TOX2: variants seen among roughly 807,000 people sequenced by gnomAD.
TOX2 encodes the protein TOX high mobility group box family member 2.
A neutral mutation model predicts 47.4 loss-of-function variants in TOX2; 15 were observed. The observed-to-expected ratio is 0.32, with a 90% CI of 0.21 to 0.49. The LOEUF (loss-of-function observed/expected upper bound fraction) is 0.49, where lower values mean the gene tolerates loss of function less well. Among genes scored for constraint, TOX2 ranks in the 20% least tolerant of loss-of-function variants. The pLI is 0.99. For synonymous variants in TOX2, 290 were observed against 296.6 expected (o/e 0.98, Z 0.23); for missense variants, 622 against 673.1 (o/e 0.92, Z 0.84).
At chr20:44,044,431 A>G (rs1441103447) in intron 3 of TOX2, among the ~76,000 whole-genome samples, 1 of 152,210 alleles carries the variant, frequency 6.6e-6, no homozygotes, top group Non-Finnish European at 1.5e-5. Context: ...ATAAAAAAAA[A>G]AAAAAGAAAT....
At chr20:43,948,951 G>A (rs1473081164) in intron 1 of TOX2, among the ~76,000 whole-genome samples, 1 of 152,040 alleles carries the variant, frequency 6.6e-6, no homozygotes, top group Non-Finnish European at 1.5e-5. Context: ...AACCTCCCTG[G>A]GTCTTCCTTG....
At chr20:43,970,091 A>G (rs1600694657) in intron 1 of TOX2, among the ~76,000 whole-genome samples, 3 of 152,294 alleles carry the variant, frequency 2.0e-5, no homozygotes, top group Admixed American at 2.0e-4. Flanking sequence ...TATTGATTAT[A>G]TAGTAGGCTC....
chr20:43,997,310 T>C (rs2070498192), intron 2 of TOX2, among the ~76,000 whole-genome samples: 1 of 152,174 alleles, frequency 6.6e-6, no homozygotes, highest in African/African-American at 2.4e-5. Context: ...TTGAAATATA[T>C]GAAGCAATAC....
At chr20:43,926,102 G>T (rs1047073867) in intron 1 of TOX2, among the ~76,000 whole-genome samples, 1 of 152,228 alleles carries the variant, frequency 6.6e-6, no homozygotes, top group Non-Finnish European at 1.5e-5. Flanking sequence ...AATCGACTCA[G>T]TAGTAGTATA....
intron 2 of TOX2, among the ~76,000 whole-genome samples, chr20:43,993,181 A>G (rs994861232): frequency 1.3e-5 from 2 of 150,560 alleles, no homozygotes; most frequent in Non-Finnish European, 2.9e-5. Flanking sequence ...GGCTACAGAG[A>G]GGGTTTCACA....
chr20:43,981,502 A>G (rs896384798), intron 2 of TOX2, among the ~76,000 whole-genome samples: 1 of 152,196 alleles, frequency 6.6e-6, no homozygotes, highest in African/African-American at 2.4e-5. Context: ...CGCGTTGTAC[A>G]TGCATGTACC....
chr20:43,945,960 C>T, intron 1 of TOX2: 1 of 1,614,082 alleles, frequency 6.2e-7, no homozygotes, highest in Non-Finnish European at 8.5e-7. Flanking sequence ...TCTCTCGCTG[C>T]CTGGGCTTCT....
chr20:43,933,971 G>T (rs936896327), intron 1 of TOX2, among the ~76,000 whole-genome samples: 1 of 152,100 alleles, frequency 6.6e-6, no homozygotes, highest in Non-Finnish European at 1.5e-5. Context: ...TGTCCCCTGG[G>T]GTGGCCGCCT....
chr20:44,022,206 G>A (rs2070987523), intron 3 of TOX2, among the ~76,000 whole-genome samples: 2 of 152,174 alleles, frequency 1.3e-5, no homozygotes, highest in African/African-American at 4.8e-5. Context: ...CACATTGCCA[G>A]AATTAATGTC....
At chr20:44,048,530 C>G (rs2071455296) in intron 3 of TOX2, among the ~76,000 whole-genome samples, 1 of 150,692 alleles carries the variant, frequency 6.6e-6, no homozygotes, top group Admixed American at 6.6e-5. Flanking sequence ...TGTTTAAGCT[C>G]TTTCATTCTC....
chr20:43,924,896 CG>C (rs567670082), intron 1 of TOX2, among the ~76,000 whole-genome samples: 3 of 152,352 alleles, frequency 2.0e-5, no homozygotes, highest in Middle Eastern at 3.4e-3. Flanking sequence ...CCCTGTGTCC[CG>C]GGGTGTCCAC....
Position 43,915,796 on chromosome 20 carries a change from G to A in TOX2, c.99+806G>A, listed in dbSNP as rs2069049078. 6.6e-6 allele frequency among the ~76,000 whole-genome samples: 1 copy of A among 152,272 alleles called. No individual in the cohort carries two copies. The highest frequency in any genetic ancestry group is 2.1e-4 in the South Asian group (1 of 4,838). ...GTGTCCTCCCGGGAGCGGTGAGCCGGCGTCCCTCCAGGCTGGGGCTGTAGT... is the reference window on the plus strand; with the variant it reads ...GTGTCCTCCCGGGAGCGGTGAGCCGACGTCCCTCCAGGCTGGGGCTGTAGT... On this transcript the variant is annotated intron_variant, in intron 1 of 8. Transcript: ENST00000341197. This position sits in a 1 kb window ranked among gnomAD's most constrained non-coding sequence, Gnocchi z 7.1.
intron 3 of TOX2, among the ~76,000 whole-genome samples, chr20:44,013,076 TG>T (rs770818054): frequency 7.9e-5 from 12 of 152,120 alleles, no homozygotes; most frequent in Non-Finnish European, 1.6e-4. Context: ...GCCCGGAGCC[TG>T]GGGGCAGGAT....
chr20:43,935,507 T>C (rs2069314208), intron 1 of TOX2, among the ~76,000 whole-genome samples: 1 of 152,226 alleles, frequency 6.6e-6, no homozygotes, highest in Admixed American at 6.5e-5. Flanking sequence ...GCTAGGTGTC[T>C]TTTGTGTACT....
intron 1 of TOX2, among the ~76,000 whole-genome samples, chr20:43,921,308 A>G (rs547961437): frequency 2.8e-4 from 42 of 152,190 alleles, no homozygotes; most frequent in Admixed American, 9.2e-4. Context: ...AGGGCAATCT[A>G]TTTTGCTTCT....
At chr20:44,033,890 A>G (rs922260005) in intron 3 of TOX2, among the ~76,000 whole-genome samples, 1 of 152,116 alleles carries the variant, frequency 6.6e-6, no homozygotes, top group Non-Finnish European at 1.5e-5. Flanking sequence ...ACTAATACAC[A>G]GAGTCTCTGC....
intron 3 of TOX2, among the ~76,000 whole-genome samples, chr20:44,007,786 C>T (rs1015777304): frequency 6.6e-6 from 1 of 152,090 alleles, no homozygotes; most frequent in Admixed American, 6.5e-5. Context: ...GCTGTGGTGA[C>T]AGAGTGAGAC....
intron 3 of TOX2, among the ~76,000 whole-genome samples, chr20:44,017,799 G>T (rs1315787837): frequency 6.6e-6 from 1 of 152,138 alleles, no homozygotes; most frequent in South Asian, 2.1e-4. Context: ...AGGGGTAAAT[G>T]ACTTGGCTAC....
chr20:43,980,716 G>C (rs950890659), intron 2 of TOX2, among the ~76,000 whole-genome samples: 24 of 152,076 alleles, frequency 1.6e-4, no homozygotes, highest in Middle Eastern at 3.2e-3. Flanking sequence ...AACCATAAAG[G>C]CACCAGCAAA....
Sources: allele counts gnomAD v4.1 joint callset (sites outside exome capture counted in the v4.1 genomes callset), GRCh38; gene constraint gnomAD v4.1.1; non-coding constraint Gnocchi (gnomAD v3.1); transcripts MANE v1.5; gene names NCBI Gene and HGNC (gene_info 2026-07-23, HGNC 2026-07-21).